Variants in TWIST2 observed in about 807,000 individuals in gnomAD.
TWIST2 encodes twist-related protein 2.
In TWIST2, 1 loss-of-function variant was observed where a neutral mutation model predicts 11.6. That is an observed-to-expected ratio of 0.09 (90% CI 0.03 to 0.41). TWIST2 has a LOEUF of 0.41. Ranked by LOEUF, TWIST2 falls within the 10% of genes least tolerant of loss-of-function variation. TWIST2 has a pLI of 0.98. For missense variants in TWIST2, 168 were observed against 226.4 expected, an observed-to-expected ratio of 0.74 and a Z score of 1.66; for synonymous variants, 87 against 96.6, an observed-to-expected ratio of 0.90 and a Z score of 0.58.
intron 1 of TWIST2, among the ~76,000 whole-genome samples, chr2:238,859,212 CAAAAAA>C (rs544641770): frequency 7.2e-6 from 1 of 139,574 alleles, no homozygotes. Flanking sequence ...CACTCCGTCT[CAAAAAA>C]AAAAAAAAAA....
At chr2:238,882,399 T>C (rs1039202190) in intron 1 of TWIST2, among the ~76,000 whole-genome samples, 3 of 152,236 alleles carry the variant, frequency 2.0e-5, no homozygotes, top group African/African-American at 7.2e-5. Flanking sequence ...AGATCAGTAC[T>C]TTTTTCCACT....
At chr2:238,891,479 T>G (rs1693131720) in intron 1 of TWIST2, among the ~76,000 whole-genome samples, 1 of 152,220 alleles carries the variant, frequency 6.6e-6, no homozygotes, top group Non-Finnish European at 1.5e-5. Flanking sequence ...TGTGTCTCTG[T>G]GTGCTGTCCT....
intron 1 of TWIST2, among the ~76,000 whole-genome samples, chr2:238,855,932 ATTG>A (rs1248580750): frequency 6.6e-6 from 1 of 152,128 alleles, no homozygotes; most frequent in East Asian, 1.9e-4. Flanking sequence ...TTCTAAAAGT[ATTG>A]TTTCACTGAT....
chr2:238,896,259 G>A (rs1451041037), intron 1 of TWIST2, among the ~76,000 whole-genome samples: 1 of 152,304 alleles, frequency 6.6e-6, no homozygotes, highest in East Asian at 1.9e-4. Flanking sequence ...GCATCCAAAA[G>A]CGTGCCTGCC....
chr2:238,851,885 T>C (rs1386622419), intron 1 of TWIST2, among the ~76,000 whole-genome samples: 2 of 152,190 alleles, frequency 1.3e-5, no homozygotes. Flanking sequence ...TGTGGGTCTT[T>C]CCCCTTAAAT....
chr2:238,875,037 C>G (rs370575339), intron 1 of TWIST2, among the ~76,000 whole-genome samples: 3 of 152,164 alleles, frequency 2.0e-5, no homozygotes, highest in African/African-American at 7.2e-5. Context: ...TTTGGAAGGA[C>G]AGCAGAGCAG....
At chr2:238,883,516 C>A (rs1002125076) in intron 1 of TWIST2, among the ~76,000 whole-genome samples, 19 of 152,338 alleles carry the variant, frequency 1.2e-4, no homozygotes, top group African/African-American at 4.6e-4. Context: ...GATGCCAGAG[C>A]TGCAGAGCGA....
At chr2:238,849,667 T>C (rs1246506288) in intron 1 of TWIST2, among the ~76,000 whole-genome samples, 1 of 152,142 alleles carries the variant, frequency 6.6e-6, no homozygotes, top group Non-Finnish European at 1.5e-5. Flanking sequence ...AGGAGAAGGC[T>C]CGGGGGACAC....
At chr2:238,854,187 T>C (rs538383102) in intron 1 of TWIST2, among the ~76,000 whole-genome samples, 38 of 152,232 alleles carry the variant, frequency 2.5e-4, no homozygotes, top group Non-Finnish European at 5.1e-4. Flanking sequence ...AGCTTTCGGT[T>C]ATCACATTCG....
chr2:238,853,382 G>GGAGAGA (rs374173009), intron 1 of TWIST2, among the ~76,000 whole-genome samples: 1 of 139,976 alleles, frequency 7.1e-6, no homozygotes, highest in South Asian at 2.3e-4. Context: ...GAGGAGGGAG[G>GGAGAGA]GAGAGAGAGA....
intron 1 of TWIST2, among the ~76,000 whole-genome samples, chr2:238,876,565 G>T (rs1053487904): frequency 2.6e-5 from 4 of 152,202 alleles, no homozygotes; most frequent in African/African-American, 9.6e-5. Flanking sequence ...ATCTGTCATG[G>T]TATCTACCAA....
intron 1 of TWIST2, among the ~76,000 whole-genome samples, chr2:238,875,436 A>G (rs555005738): frequency 6.6e-6 from 1 of 152,240 alleles, no homozygotes; most frequent in African/African-American, 2.4e-5. Context: ...AATGGATTCA[A>G]CCAAAAGATC....
chr2:238,894,800 A>G lies in TWIST2; in HGVS notation c.*36-15042A>G, dbSNP rs1693188710. Among the ~76,000 whole-genome samples, 7 of 152,214 alleles carry G rather than the reference A, an allele frequency of 4.6e-5. No individual in the cohort carries two copies. The South Asian group carries it at 1.5e-3, about 32-fold the overall frequency. ...GGCTGCAATCCCGAATTCTGTGACG[A>G]GCTCTCCAAACCCTCAGAAACATAA... is the stretch of plus-strand genomic sequence containing the variant. On this transcript the variant is annotated intron_variant, in intron 1 of 1. Coordinates refer to ENST00000612363, the MANE Select transcript of TWIST2 (RefSeq NM_001271893.4).
rs905294774 is a variant in TWIST2 at position 238,863,702 on chromosome 2, C to T, written c.*35+14969C>T. On this transcript the variant is annotated intron_variant, in intron 1 of 1. Coordinates refer to ENST00000612363, the MANE Select transcript of TWIST2 (RefSeq NM_001271893.4). The surrounding 1 kb of genome is among the most constrained non-coding windows in gnomAD (Gnocchi z 4.7). ...AACCTCAATGAACCCCTTAGCTGTT[C>T]CCCGAACCCAAATTGAGAAGAGGTG... Among the ~76,000 whole-genome samples the T allele has an allele frequency of 6.6e-6, 1 of 152,192 alleles. No homozygotes were observed. The highest frequency in any genetic ancestry group is 1.9e-4 in the East Asian group (1 of 5,202).
chr2:238,870,518 A>T (rs1208068623), intron 1 of TWIST2, among the ~76,000 whole-genome samples: 2 of 138,130 alleles, frequency 1.4e-5, no homozygotes, highest in Non-Finnish European at 3.1e-5. Context: ...CACATACCAC[A>T]CACAAACCAC....
intron 1 of TWIST2, among the ~76,000 whole-genome samples, chr2:238,898,334 A>G (rs1208403084): frequency 2.0e-5 from 3 of 152,208 alleles, no homozygotes; most frequent in Admixed American, 1.3e-4. Context: ...TTTCTGCCCA[A>G]AAAACATCTT....
At chr2:238,898,912 C>T (rs953263404) in intron 1 of TWIST2, among the ~76,000 whole-genome samples, 1 of 152,236 alleles carries the variant, frequency 6.6e-6, no homozygotes, top group South Asian at 2.1e-4. Context: ...GCTCTGGTGC[C>T]GGCTCCTGGT....
chr2:238,897,966 A>T (rs1052878187), intron 1 of TWIST2, among the ~76,000 whole-genome samples: 99 of 152,258 alleles, frequency 6.5e-4, no homozygotes, highest in African/African-American at 2.3e-3. Flanking sequence ...GTGGGTGATC[A>T]CTGAGGCATG....
intron 1 of TWIST2, among the ~76,000 whole-genome samples, chr2:238,878,501 T>A (rs1692846294): frequency 6.6e-6 from 1 of 152,170 alleles, no homozygotes; most frequent in African/African-American, 2.4e-5. Context: ...TGCAGACCCA[T>A]TCGGCATCCC....
Sources: gnomAD v4.1 joint callset for allele counts (sites outside exome capture counted in the v4.1 genomes callset) on GRCh38, gnomAD v4.1.1 for gene constraint, Gnocchi (gnomAD v3.1) non-coding constraint, MANE v1.5 for transcripts, NCBI Gene and HGNC (gene_info 2026-07-23, HGNC 2026-07-21) for gene names.